The following NCKAP5 variants were observed in gnomAD, a reference collection of about 807,000 sequenced individuals.
NCKAP5 encodes NCK associated protein 5.
NCKAP5 carries 92 observed loss-of-function variants against 167.0 expected under a neutral mutation model. That is an observed-to-expected ratio of 0.55 (90% CI 0.47 to 0.66). The LOEUF is 0.66. Ranked by LOEUF, NCKAP5 falls within the 30% of genes least tolerant of loss-of-function variation. NCKAP5 has a pLI of 0.00. For missense variants in NCKAP5, 2,378 were observed against 2,315.0 expected, an observed-to-expected ratio of 1.03 and a Z score of -0.56; for synonymous variants, 891 against 877.4, an observed-to-expected ratio of 1.02 and a Z score of -0.27.
chr2:133,667,063 T>A, the NCKAP5 span, among the ~76,000 whole-genome samples: 3,127 of 152,144 alleles, frequency 0.021, 162 homozygotes, highest in East Asian at 0.2. Context: ...CTTGAAAATA[T>A]GTGATTGCTG....
At chr2:133,190,807 C>CTA (rs1446011712) in intron 5 of NCKAP5, among the ~76,000 whole-genome samples, 1 of 152,068 alleles carries the variant, frequency 6.6e-6, no homozygotes, top group East Asian at 1.9e-4. Context: ...AGACCTAAAC[C>CTA]TATAAAAACC....
intron 3 of NCKAP5, among the ~76,000 whole-genome samples, chr2:133,364,488 C>T (rs190694848): frequency 6.6e-6 from 1 of 152,156 alleles, no homozygotes; most frequent in Non-Finnish European, 1.5e-5. Context: ...ATAAAAATGA[C>T]ACAATGGTGA....
intron 9 of NCKAP5, among the ~76,000 whole-genome samples, chr2:132,871,009 A>G (rs937453960): frequency 2.0e-5 from 3 of 152,146 alleles, no homozygotes; most frequent in Non-Finnish European, 4.4e-5. Flanking sequence ...ATTAAGTAAA[A>G]AAGAAAGGCT....
intron 4 of NCKAP5, among the ~76,000 whole-genome samples, chr2:133,253,972 C>T (rs2088486779): frequency 6.6e-6 from 1 of 152,146 alleles, no homozygotes. Flanking sequence ...CAAAAATAAG[C>T]AGAAATTCAC....
intron 5 of NCKAP5, among the ~76,000 whole-genome samples, chr2:133,155,446 G>C (rs1256574146): frequency 6.6e-6 from 1 of 152,034 alleles, no homozygotes; most frequent in Non-Finnish European, 1.5e-5. Flanking sequence ...ACTCCACTTT[G>C]AGAACCCCTG....
At chr2:133,503,841 G>C (rs951267849) in intron 3 of NCKAP5, among the ~76,000 whole-genome samples, 1 of 152,106 alleles carries the variant, frequency 6.6e-6, no homozygotes. Flanking sequence ...TCTCCTTTAG[G>C]ATAGAGCACA....
At chr2:132,741,294 C>T (rs867351851) in intron 16 of NCKAP5, among the ~76,000 whole-genome samples, 8 of 152,094 alleles carry the variant, frequency 5.3e-5, no homozygotes, top group African/African-American at 1.7e-4. Flanking sequence ...ACTCTTGTCA[C>T]TCCAGACTGA....
At chr2:132,841,779 T>C (rs1445362932) in intron 11 of NCKAP5, among the ~76,000 whole-genome samples, 1 of 152,154 alleles carries the variant, frequency 6.6e-6, no homozygotes, top group Non-Finnish European at 1.5e-5. Context: ...GTGACTTTTC[T>C]ACTTTAATTT....
At chr2:132,930,431 T>G (rs1295130685) in intron 8 of NCKAP5, 1 of 152,178 alleles carries the variant, frequency 6.6e-6, no homozygotes, top group Non-Finnish European at 1.5e-5. Flanking sequence ...CTCCCCAGTG[T>G]GGGTAGGCAT....
At chr2:132,818,843 A>T (rs1249266135) in intron 11 of NCKAP5, among the ~76,000 whole-genome samples, 3 of 152,232 alleles carry the variant, frequency 2.0e-5, no homozygotes, top group Non-Finnish European at 4.4e-5. Flanking sequence ...CAGACATTTT[A>T]TCATATTATA....
the NCKAP5 span, among the ~76,000 whole-genome samples, chr2:133,672,114 T>C: frequency 6.6e-6 from 1 of 152,190 alleles, no homozygotes; most frequent in Non-Finnish European, 1.5e-5. Flanking sequence ...AAAAAGCTCC[T>C]TTGACAAGAT....
At chr2:132,835,614 G>T (rs1687836990) in intron 11 of NCKAP5, among the ~76,000 whole-genome samples, 2 of 150,678 alleles carry the variant, frequency 1.3e-5, no homozygotes, top group South Asian at 4.2e-4. Context: ...GGGGAGGTGT[G>T]TTGATTTTTT....
intron 11 of NCKAP5, among the ~76,000 whole-genome samples, chr2:132,839,757 C>CAAAA (rs59000613): frequency 1.3e-4 from 8 of 63,064 alleles, no homozygotes; most frequent in East Asian, 5.5e-4. Context: ...GACCTTGTCT[C>CAAAA]AAAAAAAAAA....
chr2:133,661,059 T>C, the NCKAP5 span, among the ~76,000 whole-genome samples: 3 of 151,994 alleles, frequency 2.0e-5, no homozygotes, highest in Admixed American at 1.3e-4. Flanking sequence ...TAAACACTCA[T>C]GACCAGCAGT....
intron 3 of NCKAP5, among the ~76,000 whole-genome samples, chr2:133,355,072 C>T (rs749112009): frequency 1.3e-5 from 2 of 152,158 alleles, no homozygotes; most frequent in Non-Finnish European, 2.9e-5. Flanking sequence ...TTTATAACTT[C>T]TAAAATTCTG....
In NCKAP5 at chr2:132,785,037, G is replaced by A; in HGVS notation, c.1774C>T (p.His592Tyr). The change falls in exon 14 of 20, where the codon CAC becomes TAC. Residue 592 changes from histidine (H) to tyrosine (Y), a missense_variant. His to Tyr is a moderately conservative substitution (Grantham distance 83, BLOSUM62 2). Around this residue, in one of 3 missense-constraint regions of NCKAP5, gnomAD observed 1,049 missense variants for 1,023.4 expected, o/e 1.02. Transcript: ENST00000409261. ...TDDNETFDEL[H>Y]IESSDEKSPS... is the part of the protein sequence containing the mutation. The stretch of plus-strand genomic sequence containing the variant: ...CTTTTCTCATCACTGCTCTCTATGT[G>A]CAGCTCATCAAACGTTTCATTGTCA... The A allele has an allele frequency of 6.2e-7, 1 of 1,614,000 alleles. No individual in the cohort carries two copies.
chr2:133,643,950 C>G, the NCKAP5 span, among the ~76,000 whole-genome samples: 1,282 of 152,298 alleles, frequency 8.4e-3, 10 homozygotes, highest in Admixed American at 0.013. Flanking sequence ...CAACTTGTCT[C>G]TTAGGACTCA....
the NCKAP5 span, among the ~76,000 whole-genome samples, chr2:133,668,448 TTTC>T: frequency 2.0e-5 from 3 of 152,080 alleles, no homozygotes; most frequent in Admixed American, 1.3e-4. Context: ...CTTGCTGATA[TTTC>T]TTATTGTCCA....
chr2:133,434,397 A>C (rs913024749), intron 3 of NCKAP5, among the ~76,000 whole-genome samples: 5 of 152,228 alleles, frequency 3.3e-5, no homozygotes, highest in Non-Finnish European at 7.3e-5. Flanking sequence ...ATCGTACTTG[A>C]GTCAGGGAGA....
Sources: gnomAD v4.1 joint callset for allele counts (sites outside exome capture counted in the v4.1 genomes callset) on GRCh38, gnomAD v4.1.1 for gene constraint, gnomAD v4.1.1 regional missense constraint, MANE v1.5 for transcripts, NCBI Gene and HGNC (gene_info 2026-07-23, HGNC 2026-07-21) for gene names.